Variants in FAM135B observed in about 807,000 individuals in gnomAD.
FAM135B encodes protein FAM135B.
Under a neutral mutation model 127.7 loss-of-function variants are expected in FAM135B, and 43 were observed. That is an observed-to-expected ratio of 0.34 (90% CI 0.26 to 0.43). The LOEUF (loss-of-function observed/expected upper bound fraction) is 0.43. FAM135B is among the 20% of genes least tolerant of loss of function. The pLI is 1.00. For missense variants in FAM135B, 1,558 were observed against 1,725.6 expected, an observed-to-expected ratio of 0.90 and a Z score of 1.72; for synonymous variants, 670 against 665.1, an observed-to-expected ratio of 1.01 and a Z score of -0.11.
At chr8:138,312,745 C>T (rs1268967361) in intron 2 of FAM135B, among the ~76,000 whole-genome samples, 3 of 152,164 alleles carry the variant, frequency 2.0e-5, no homozygotes, top group Non-Finnish European at 4.4e-5. Flanking sequence ...TGCATCCCCA[C>T]CCAACCTGCC....
At chr8:138,335,532 G>A (rs1828512668) in intron 2 of FAM135B, among the ~76,000 whole-genome samples, 2 of 151,968 alleles carry the variant, frequency 1.3e-5, no homozygotes, top group South Asian at 2.1e-4. Context: ...AATGGTAAAG[G>A]GATCAATTCA....
intron 8 of FAM135B, among the ~76,000 whole-genome samples, chr8:138,197,277 T>G (rs190591082): frequency 1.3e-5 from 2 of 152,206 alleles, no homozygotes; most frequent in African/African-American, 4.8e-5. Flanking sequence ...ACTCAATAGA[T>G]GTCTGGCAGA....
intron 1 of FAM135B, among the ~76,000 whole-genome samples, chr8:138,412,957 G>A (rs890952867): frequency 6.6e-6 from 1 of 152,178 alleles, no homozygotes; most frequent in Non-Finnish European, 1.5e-5. Context: ...TGATTTCTGG[G>A]CAATCTAAGC....
At chr8:138,169,900 C>T (rs894333529) in intron 11 of FAM135B, among the ~76,000 whole-genome samples, 4 of 152,174 alleles carry the variant, frequency 2.6e-5, no homozygotes, top group Non-Finnish European at 5.9e-5. Flanking sequence ...GAGCACAGGG[C>T]TTTCGTGAAT....
intron 19 of FAM135B, among the ~76,000 whole-genome samples, chr8:138,135,851 T>C (rs1816613786): frequency 6.6e-6 from 1 of 152,288 alleles, no homozygotes; most frequent in African/African-American, 2.4e-5. Flanking sequence ...TGTTTGTATT[T>C]ATGATATTTT....
At chr8:138,376,826 C>T (rs912861396) in intron 1 of FAM135B, among the ~76,000 whole-genome samples, 2 of 152,198 alleles carry the variant, frequency 1.3e-5, no homozygotes, top group Non-Finnish European at 2.9e-5. Flanking sequence ...CCACCTTCAA[C>T]ATAGATGGCA....
Position 138,152,625 on chromosome 8 carries a change from G to C in FAM135B, c.1850C>G (p.Thr617Ser), listed in dbSNP as rs2130776212. 2 of 1,614,160 alleles carry C rather than the reference G, an allele frequency of 1.2e-6. No individual in the cohort carries two copies. The highest frequency in any genetic ancestry group is 1.7e-6 in the Non-Finnish European group (2 of 1,180,028). ...SDKTTLHELS[T>S]LGKGIDQEGK... ...CTCTTGATCTATTCCCTTTCCTAGA[G>C]TACTTAATTCATGGAGAGTTGTTTT... Residue 617 changes from threonine (T) to serine (S), a missense_variant, in exon 13 of 20, where the codon ACT becomes AGT. Physicochemically the swap from Thr to Ser is moderately conservative, Grantham distance 58. Coordinates refer to ENST00000395297, the MANE Select transcript of FAM135B (RefSeq NM_015912.4).
At chr8:138,246,373 C>T (rs1821288416) in intron 6 of FAM135B, among the ~76,000 whole-genome samples, 2 of 152,256 alleles carry the variant, frequency 1.3e-5, no homozygotes, top group African/African-American at 4.8e-5. Context: ...ACCAGGGCCC[C>T]CTTGCTGTGC....
chr8:138,269,719 A>G (rs1169317105), intron 3 of FAM135B, among the ~76,000 whole-genome samples: 1 of 152,246 alleles, frequency 6.6e-6, no homozygotes, highest in Admixed American at 6.5e-5. Flanking sequence ...AGGCAGGACT[A>G]CAGAATCCGA....
intron 3 of FAM135B, among the ~76,000 whole-genome samples, chr8:138,277,410 C>A (rs530947566): frequency 7.1e-4 from 108 of 152,282 alleles, no homozygotes; most frequent in Non-Finnish European, 1.2e-3. Flanking sequence ...AGTCCCAGGC[C>A]AATGGGTGAC....
At chr8:138,434,447 T>A (rs113638383) in intron 1 of FAM135B, among the ~76,000 whole-genome samples, 9 of 152,280 alleles carry the variant, frequency 5.9e-5, no homozygotes, top group African/African-American at 2.2e-4. Context: ...ATTTTATAGA[T>A]GAGGAACCTA....
At chr8:138,474,073 AT>A (rs1814243516) in intron 1 of FAM135B, among the ~76,000 whole-genome samples, 1 of 152,194 alleles carries the variant, frequency 6.6e-6, no homozygotes, top group African/African-American at 2.4e-5. Flanking sequence ...CAGTGATTCT[AT>A]CTGAGGTTTG....
chr8:138,252,002 T>C (rs1821734458), intron 5 of FAM135B, among the ~76,000 whole-genome samples: 2 of 152,216 alleles, frequency 1.3e-5, no homozygotes, highest in South Asian at 4.1e-4. Flanking sequence ...GAAACCCTTG[T>C]TCCTTGTGCG....
chr8:138,339,629 A>C (rs1512397), intron 2 of FAM135B, among the ~76,000 whole-genome samples: 136,777 of 152,028 alleles, frequency 0.9, 62,571 homozygotes, highest in Non-Finnish European at 0.98. Context: ...CATATGTGTC[A>C]CAGTTTTTTT....
intron 1 of FAM135B, among the ~76,000 whole-genome samples, chr8:138,410,334 C>T (rs916725344): frequency 2.0e-5 from 3 of 152,102 alleles, no homozygotes; most frequent in East Asian, 1.9e-4. Flanking sequence ...TTCCTGGTGT[C>T]GATGCCCTTG....
At chr8:138,284,948 G>A (rs1824552281) in intron 3 of FAM135B, among the ~76,000 whole-genome samples, 1 of 151,528 alleles carries the variant, frequency 6.6e-6, no homozygotes, top group African/African-American at 2.4e-5. Flanking sequence ...GGCTGAATGT[G>A]GAACTTTAAA....
At chr8:138,213,351 T>C (rs1818286473) in intron 7 of FAM135B, among the ~76,000 whole-genome samples, 1 of 152,226 alleles carries the variant, frequency 6.6e-6, no homozygotes, top group Non-Finnish European at 1.5e-5. Context: ...ATTATTAGTG[T>C]TAATTCTTTC....
chr8:138,421,792 A>G (rs577266497), intron 1 of FAM135B, among the ~76,000 whole-genome samples: 1 of 152,296 alleles, frequency 6.6e-6, no homozygotes, highest in Non-Finnish European at 1.5e-5. Context: ...CTATTCCAAA[A>G]TTAATATGAA....
intron 7 of FAM135B, among the ~76,000 whole-genome samples, chr8:138,223,480 A>G (rs1819184874): frequency 6.6e-6 from 1 of 152,214 alleles, no homozygotes; most frequent in African/African-American, 2.4e-5. Context: ...CTTTGGAGGA[A>G]AGAATGCTTG....
Sources: gnomAD v4.1 joint callset for allele counts (sites outside exome capture counted in the v4.1 genomes callset) on GRCh38, gnomAD v4.1.1 for gene constraint, MANE v1.5 for transcripts, NCBI Gene and HGNC (gene_info 2026-07-23, HGNC 2026-07-21) for gene names.